The following SGCD variants were observed in gnomAD, a reference collection of about 807,000 sequenced individuals.
SGCD encodes the protein sarcoglycan delta, also known as delta-sarcoglycan.
A neutral mutation model predicts 36.6 loss-of-function variants in SGCD; 18 were observed. The observed-to-expected ratio is 0.49, with a 90% confidence interval of 0.34 to 0.73. The LOEUF is 0.73. SGCD is among the 30% of genes least tolerant of loss of function. The pLI is 0.01. For synonymous variants in SGCD, 133 were observed against 130.6 expected (o/e 1.02, Z -0.12); for missense variants, 387 against 346.7 (o/e 1.12, Z -0.92).
At chr5:156,720,652 G>A (rs1161754187) in intron 7 of SGCD, among the ~76,000 whole-genome samples, 1 of 152,216 alleles carries the variant, frequency 6.6e-6, no homozygotes, top group Non-Finnish European at 1.5e-5. Flanking sequence ...CCTGAAATCA[G>A]GGTCATGAAG....
rs531109894 is a variant in SGCD at position 156,761,336 on chromosome 5, A to G, written c.*1946A>G. ...CTCACTCCAAGCACTCTTGTTCAAT[A>G]TCTCATGCAGAAGAGTTGGGCTGGT... On this transcript the variant is annotated 3_prime_UTR_variant, in exon 9 of 9. Transcript: ENST00000337851. 71 of 152,330 alleles carry G rather than the reference A, an allele frequency of 4.7e-4. No individual in the cohort carries two copies. Among genetic ancestry groups the G allele is most frequent in the African/African-American group, 1.6e-3 (67 of 41,562 alleles). 9.4% of individuals were successfully genotyped at this position (152,330 alleles called of 1,614,324 possible). A position where few individuals can be genotyped will look rare whatever the true frequency, so the allele number is the denominator to read the frequency against.
chr5:155,925,360 T>A (rs1756975485), intron 1 of SGCD, among the ~76,000 whole-genome samples: 1 of 152,170 alleles, frequency 6.6e-6, no homozygotes, highest in Admixed American at 6.5e-5. Flanking sequence ...AGAAATGTAC[T>A]CTCTCACAGT....
intron 3 of SGCD, among the ~76,000 whole-genome samples, chr5:156,132,892 G>A (rs1762362665): frequency 6.6e-6 from 1 of 152,182 alleles, no homozygotes; most frequent in Non-Finnish European, 1.5e-5. Context: ...CAAACATGGA[G>A]AGGATCAGCA....
At chr5:156,048,776 C>T (rs893838058) in intron 1 of SGCD, among the ~76,000 whole-genome samples, 1 of 152,044 alleles carries the variant, frequency 6.6e-6, no homozygotes, top group African/African-American at 2.4e-5. Context: ...CTGTAGGTTG[C>T]CTGTTCACTC....
the SGCD span, among the ~76,000 whole-genome samples, chr5:155,776,285 C>A: frequency 6.6e-6 from 1 of 152,096 alleles, no homozygotes; most frequent in African/African-American, 2.4e-5. Context: ...GACCACATGT[C>A]CAAATATCAC....
the SGCD span, among the ~76,000 whole-genome samples, chr5:155,764,805 G>T: frequency 3.3e-5 from 5 of 152,258 alleles, 1 homozygote; most frequent in African/African-American, 1.2e-4. Context: ...CAGCAAGACA[G>T]CCATGCTAAG....
chr5:156,600,426 TTGTA>T (rs1761145120), intron 6 of SGCD, among the ~76,000 whole-genome samples: 1 of 152,354 alleles, frequency 6.6e-6, no homozygotes, highest in Admixed American at 6.5e-5. Flanking sequence ...GTATTTTTCT[TTGTA>T]TGTCTGGTTA....
Position 156,420,623 on chromosome 5 carries a change from TTTTA to T in SGCD, c.192+75947_192+75950del, listed in dbSNP as rs1159689820. Among the ~76,000 whole-genome samples the T allele has an allele frequency of 2.6e-5, 4 of 152,122 alleles. No individual in the cohort carries two copies. The East Asian group carries it at 7.7e-4, about 29-fold the overall frequency. On this transcript the variant is annotated intron_variant, in intron 3 of 8. Transcript: ENST00000337851. ...TTACAAAGAAATGTATTTTACTTCT[TTTTA>T]GCATGCTGGGGTGACCGTGCTCAGG...
chr5:156,272,436 C>T (rs930705308), intron 3 of SGCD, among the ~76,000 whole-genome samples: 9 of 152,170 alleles, frequency 5.9e-5, no homozygotes, highest in African/African-American at 1.9e-4. Flanking sequence ...TGGGCACTTA[C>T]GTCAGGTCTA....
At chr5:156,399,599 T>C (rs1231865720) in intron 3 of SGCD, among the ~76,000 whole-genome samples, 1 of 152,200 alleles carries the variant, frequency 6.6e-6, no homozygotes, top group Admixed American at 6.5e-5. Flanking sequence ...TGGAGGCAGA[T>C]GCTTTAGTTC....
In SGCD at chr5:156,765,451, C is replaced by T. The variant is rs1307622431; in HGVS notation, c.*6061C>T. 1 of 152,068 alleles carries T rather than the reference C, an allele frequency of 6.6e-6. No individual in the cohort carries two copies. The highest frequency in any genetic ancestry group is 1.5e-5 in the Non-Finnish European group (1 of 68,012). 9.4% of individuals were successfully genotyped at this position (152,068 alleles called of 1,614,324 possible). ...TCTGAGCCAATCTATGAAACTTCTCCCCAAAAAGAACCACCCCACAAAATC... is the reference window on the plus strand; with the variant it reads ...TCTGAGCCAATCTATGAAACTTCTCTCCAAAAAGAACCACCCCACAAAATC... On this transcript the variant is annotated 3_prime_UTR_variant, in exon 9 of 9. Coordinates refer to ENST00000337851, the MANE Select transcript of SGCD (RefSeq NM_000337.6).
At chr5:156,476,342 C>T (rs1755174375) in intron 3 of SGCD, among the ~76,000 whole-genome samples, 2 of 152,110 alleles carry the variant, frequency 1.3e-5, no homozygotes, top group African/African-American at 4.8e-5. Flanking sequence ...CAGAAAGGAG[C>T]TGACTGTGCA....
At chr5:155,945,134 A>C (rs376563869) in intron 1 of SGCD, among the ~76,000 whole-genome samples, 1 of 152,196 alleles carries the variant, frequency 6.6e-6, no homozygotes, top group Non-Finnish European at 1.5e-5. Context: ...ACTGTCTACA[A>C]ATGAAAATTT....
At position 156,646,875 on chromosome 5, in the gene SGCD, G is replaced by A. The variant is rs182919727; in HGVS notation, c.503-589G>A. On this transcript the variant is annotated intron_variant, in intron 6 of 8. Transcript: ENST00000337851. ...CAGTCAAGAGCTAAATGTCTAGATTGGGTTTGGGATCAATGTTAATACTCA... is the reference window on the plus strand; with the variant it reads ...CAGTCAAGAGCTAAATGTCTAGATTAGGTTTGGGATCAATGTTAATACTCA... 3.9e-5 allele frequency among the ~76,000 whole-genome samples: 6 copies of A among 152,262 alleles called. No homozygotes were observed. In the East Asian group the frequency reaches 9.7e-4, roughly 25 times the overall value.
the SGCD span, among the ~76,000 whole-genome samples, chr5:155,755,167 G>C: frequency 6.6e-6 from 1 of 152,050 alleles, no homozygotes; most frequent in East Asian, 1.9e-4. Flanking sequence ...ATAGCTTATG[G>C]AGAAATATTA....
chr5:156,679,231 A>G (rs1753630855), intron 7 of SGCD, among the ~76,000 whole-genome samples: 1 of 152,140 alleles, frequency 6.6e-6, no homozygotes, highest in Non-Finnish European at 1.5e-5. Flanking sequence ...ATCACCTCTG[A>G]CTTTGAACTC....
intron 1 of SGCD, among the ~76,000 whole-genome samples, chr5:155,964,175 T>C (rs1358500041): frequency 2.0e-5 from 3 of 152,166 alleles, no homozygotes; most frequent in Non-Finnish European, 4.4e-5. Flanking sequence ...CTTCATCATC[T>C]TCTTTTATAT....
At position 156,528,573 on chromosome 5, in the gene SGCD, A is replaced by T. The variant is rs534081709; in HGVS notation, c.294+19871A>T. On this transcript the variant is annotated intron_variant, in intron 4 of 8. Coordinates refer to ENST00000337851, the MANE Select transcript of SGCD (RefSeq NM_000337.6). ...AAAGGATCTTATACATTTATTAATTATCTGTATTAGCTACATACTAAGTAT... is the reference window on the plus strand; with the variant it reads ...AAAGGATCTTATACATTTATTAATTTTCTGTATTAGCTACATACTAAGTAT... 2.0e-5 allele frequency among the ~76,000 whole-genome samples: 3 copies of T among 152,304 alleles called. No homozygotes were observed. In the South Asian group the frequency reaches 6.2e-4, roughly 32 times the overall value.
At chr5:156,412,586 A>G (rs1011017515) in intron 3 of SGCD, among the ~76,000 whole-genome samples, 2 of 152,190 alleles carry the variant, frequency 1.3e-5, no homozygotes, top group African/African-American at 4.8e-5. Flanking sequence ...TTTTGTCCAT[A>G]GTCTTACTTG....
Sources: gnomAD v4.1 joint callset for allele counts (sites outside exome capture counted in the v4.1 genomes callset) on GRCh38, gnomAD v4.1.1 for gene constraint, MANE v1.5 for transcripts, NCBI Gene and HGNC (gene_info 2026-07-23, HGNC 2026-07-21) for gene names.